MACROD2: variants seen among roughly 807,000 people sequenced by gnomAD.
MACROD2 encodes the protein mono-ADP ribosylhydrolase 2, also known as ADP-ribose glycohydrolase MACROD2.
A neutral mutation model predicts 70.4 loss-of-function variants in MACROD2; 36 were observed. That is an observed-to-expected ratio of 0.51 (90% CI 0.39 to 0.68). MACROD2 has a LOEUF of 0.68. Among genes scored for constraint, MACROD2 ranks in the 30% least tolerant of loss-of-function variants. The probability of loss-of-function intolerance (pLI) is 0.00; values close to 1 mark genes in which losing one functional copy is unlikely to be tolerated. For synonymous variants in MACROD2, 172 were observed against 178.8 expected, an observed-to-expected ratio of 0.96 and a Z score of 0.30; for missense variants, 496 against 538.4, an observed-to-expected ratio of 0.92 and a Z score of 0.78.
chr20:15,863,755 C>T (rs1417744317), intron 9 of MACROD2, among the ~76,000 whole-genome samples: 1 of 152,150 alleles, frequency 6.6e-6, no homozygotes, highest in East Asian at 1.9e-4. Flanking sequence ...AGCAGTCTAT[C>T]AGAGCCAAAC....
intron 3 of MACROD2, among the ~76,000 whole-genome samples, chr20:14,126,353 G>A (rs888311533): frequency 3.9e-5 from 6 of 152,082 alleles, no homozygotes; most frequent in South Asian, 4.1e-4. Flanking sequence ...CCCTAATGGC[G>A]TCATTTTAAC....
intron 5 of MACROD2, among the ~76,000 whole-genome samples, chr20:15,228,692 G>A (rs2076933505): frequency 6.6e-6 from 1 of 151,880 alleles, no homozygotes; most frequent in Non-Finnish European, 1.5e-5. Context: ...ATTTCATCAT[G>A]TTGGCCAGGA....
intron 3 of MACROD2, among the ~76,000 whole-genome samples, chr20:14,309,468 A>G (rs535188420): frequency 6.6e-6 from 1 of 152,282 alleles, no homozygotes; most frequent in African/African-American, 2.4e-5. Flanking sequence ...TGTATTTTCT[A>G]AATTCTTGGG....
At chr20:14,740,297 A>T (rs1239683177) in intron 5 of MACROD2, among the ~76,000 whole-genome samples, 1 of 152,180 alleles carries the variant, frequency 6.6e-6, no homozygotes, top group African/African-American at 2.4e-5. Context: ...CTTACTCAAC[A>T]CTGCACAACT....
At chr20:14,833,703 G>A (rs2072997104) in intron 5 of MACROD2, among the ~76,000 whole-genome samples, 1 of 152,002 alleles carries the variant, frequency 6.6e-6, no homozygotes, top group South Asian at 2.1e-4. Flanking sequence ...TTAGTATGTA[G>A]TATTTTCTGT....
rs1163510766 is a variant in MACROD2, at chr20:14,237,721, G to A, written c.271+151993G>A. Reference sequence around the variant, plus strand: ...CCCCCACCCCAAAACAGGCCCCAGAGTGTGATGTTCCCCTTTCTGTGTCCA... The same window carrying A: ...CCCCCACCCCAAAACAGGCCCCAGAATGTGATGTTCCCCTTTCTGTGTCCA... On this transcript the variant is annotated intron_variant, in intron 3 of 17. Coordinates refer to ENST00000684519, the MANE Select transcript of MACROD2 (RefSeq NM_001351661.2). 5.0e-5 allele frequency among the ~76,000 whole-genome samples: 6 copies of A among 120,962 alleles called. No homozygotes were observed. In the East Asian group the frequency reaches 1.6e-3, roughly 33 times the overall value. The allele number at this position is 120,962 out of a possible 152,430, so 79.4% of individuals were successfully genotyped here.
At chr20:15,121,526 A>AAG (rs1555784796) in intron 5 of MACROD2, among the ~76,000 whole-genome samples, 1 of 150,562 alleles carries the variant, frequency 6.6e-6, no homozygotes, top group Admixed American at 6.6e-5. Context: ...AAAAAAAAAA[A>AAG]AAAAGAAAAA....
chr20:14,947,018 TG>T (rs1015745567), intron 5 of MACROD2, among the ~76,000 whole-genome samples: 44 of 152,194 alleles, frequency 2.9e-4, no homozygotes, highest in Admixed American at 2.7e-3. Context: ...TGTTTAAGTT[TG>T]ATCCCTTCCA....
At chr20:15,917,995 C>G (rs1354153732) in intron 10 of MACROD2, among the ~76,000 whole-genome samples, 4 of 152,100 alleles carry the variant, frequency 2.6e-5, no homozygotes. Context: ...ACTCGAGGTC[C>G]TACATGAAAA....
chr20:15,745,856 G>A (rs1320341686), intron 8 of MACROD2, among the ~76,000 whole-genome samples: 1 of 152,030 alleles, frequency 6.6e-6, no homozygotes, highest in Non-Finnish European at 1.5e-5. Context: ...GTATATTAAA[G>A]ACCTATATAT....
chr20:15,282,780 C>T (rs1165121842), intron 6 of MACROD2, among the ~76,000 whole-genome samples: 1 of 152,178 alleles, frequency 6.6e-6, no homozygotes. Flanking sequence ...TGCCTGTTAC[C>T]CAGTTCCAAA....
At chr20:15,257,772 T>G (rs1041719119) in intron 6 of MACROD2, among the ~76,000 whole-genome samples, 6 of 152,114 alleles carry the variant, frequency 3.9e-5, no homozygotes, top group African/African-American at 1.4e-4. Context: ...GCTATACTTC[T>G]TATCACTACT....
intron 10 of MACROD2, among the ~76,000 whole-genome samples, chr20:15,886,884 G>A (rs557570778): frequency 1.5e-4 from 23 of 152,124 alleles, no homozygotes; most frequent in Non-Finnish European, 3.1e-4. Flanking sequence ...TTGGACCATA[G>A]TAAAGATTCA....
At chr20:14,637,663 T>C (rs1229109657) in intron 4 of MACROD2, among the ~76,000 whole-genome samples, 1 of 152,254 alleles carries the variant, frequency 6.6e-6, no homozygotes, top group African/African-American at 2.4e-5. Flanking sequence ...TTTGTCATTT[T>C]TGAATTGGTG....
At chr20:15,938,577 C>T (rs1196061082) in intron 12 of MACROD2, among the ~76,000 whole-genome samples, 1 of 152,094 alleles carries the variant, frequency 6.6e-6, no homozygotes, top group Non-Finnish European at 1.5e-5. Flanking sequence ...TCCACTGACC[C>T]ACTATTCCCC....
chr20:15,997,356 T>TTTG (rs1215088046), intron 15 of MACROD2, among the ~76,000 whole-genome samples: 1 of 152,186 alleles, frequency 6.6e-6, no homozygotes, highest in Non-Finnish European at 1.5e-5. Flanking sequence ...TTTACATTTA[T>TTTG]TTGTGTCTTA....
intron 4 of MACROD2, among the ~76,000 whole-genome samples, chr20:14,663,440 A>C (rs921676289): frequency 2.0e-5 from 3 of 151,870 alleles, no homozygotes; most frequent in Non-Finnish European, 2.9e-5. Context: ...ACATAGGTTT[A>C]CCTATATAAC....
chr20:15,438,784 A>G (rs1364936748), intron 7 of MACROD2, among the ~76,000 whole-genome samples: 1 of 152,178 alleles, frequency 6.6e-6, no homozygotes, highest in Non-Finnish European at 1.5e-5. Flanking sequence ...CTAGCAAAGC[A>G]CTGTGTCTCT....
intron 2 of MACROD2, among the ~76,000 whole-genome samples, chr20:14,005,338 CTGTTT>C (rs1704420433): frequency 6.6e-6 from 1 of 152,098 alleles, no homozygotes; most frequent in Non-Finnish European, 1.5e-5. Context: ...AATTTGCTTG[CTGTTT>C]ATGTTCATAT....
Sources: gnomAD v4.1 joint callset for allele counts (sites outside exome capture counted in the v4.1 genomes callset) on GRCh38, gnomAD v4.1.1 for gene constraint, MANE v1.5 for transcripts, NCBI Gene and HGNC (gene_info 2026-07-23, HGNC 2026-07-21) for gene names.